CRACD: variants seen among roughly 807,000 people sequenced by gnomAD.
CRACD encodes the protein capping protein-inhibiting regulator of actin dynamics.
Under a neutral mutation model 106.8 loss-of-function variants are expected in CRACD, and 56 were observed. The observed-to-expected ratio is 0.52, with a 90% CI of 0.42 to 0.66. The LOEUF is 0.66. CRACD is among the 30% of genes least tolerant of loss of function. The pLI is 0.00. For missense variants in CRACD, 1,730 were observed against 1,623.2 expected, an observed-to-expected ratio of 1.07 and a Z score of -1.13; for synonymous variants, 754 against 670.8, an observed-to-expected ratio of 1.12 and a Z score of -1.92.
intron 2 of CRACD, among the ~76,000 whole-genome samples, chr4:56,269,832 A>T (rs1742245037): frequency 6.6e-6 from 1 of 152,136 alleles, no homozygotes; most frequent in South Asian, 2.1e-4. Flanking sequence ...CCCATGATCC[A>T]GTCACCTCCC....
intron 2 of CRACD, among the ~76,000 whole-genome samples, chr4:56,232,890 A>C (rs556201278): frequency 6.6e-6 from 1 of 151,738 alleles, no homozygotes; most frequent in Non-Finnish European, 1.5e-5. Context: ...AGGCCCAGCT[A>C]ATTTTTTTTT....
At chr4:56,240,958 C>T (rs1740333962) in intron 2 of CRACD, among the ~76,000 whole-genome samples, 1 of 152,176 alleles carries the variant, frequency 6.6e-6, no homozygotes, top group East Asian at 1.9e-4. Flanking sequence ...AGATGCCCTG[C>T]CACGCTGTCA....
At chr4:56,165,513 T>C in intron 1 of CRACD, among the ~76,000 whole-genome samples, 1 of 152,200 alleles carries the variant, frequency 6.6e-6, no homozygotes, top group Non-Finnish European at 1.5e-5. Flanking sequence ...ACACAGTTAG[T>C]ATGCAGCAGA....
chr4:56,323,013 C>A (rs542974042), intron 8 of CRACD, among the ~76,000 whole-genome samples: 1 of 152,164 alleles, frequency 6.6e-6, no homozygotes, highest in South Asian at 2.1e-4. Flanking sequence ...GGTGACAGTT[C>A]AAAACTCTGT....
intron 5 of CRACD, 71 bp from the exon 6 acceptor site, chr4:56,310,591 CACAG>C: frequency 1.9e-6 from 2 of 1,063,564 alleles, no homozygotes; most frequent in Non-Finnish European, 2.9e-6. Flanking sequence ...CCTACCCAGG[CACAG>C]ACAGTGTCTG....
At chr4:56,282,631 A>G (rs527338214) in intron 3 of CRACD, among the ~76,000 whole-genome samples, 1 of 152,174 alleles carries the variant, frequency 6.6e-6, no homozygotes, top group Admixed American at 6.5e-5. Context: ...CCAGGATCCA[A>G]TCTGAGTCCC....
intron 5 of CRACD, chr4:56,309,072 T>C (rs1744954259): frequency 4.3e-6 from 2 of 460,544 alleles, no homozygotes; most frequent in African/African-American, 4.0e-5. Context: ...TCAAGAAAAA[T>C]GCTGGCTGCA....
intron 2 of CRACD, among the ~76,000 whole-genome samples, chr4:56,192,164 G>A (rs1161016646): frequency 6.6e-6 from 1 of 152,132 alleles, no homozygotes; most frequent in Non-Finnish European, 1.5e-5. Context: ...GGCCGAGGCG[G>A]GAGGATCACC....
chr4:56,184,597 T>C lies in CRACD; in HGVS notation c.-189+5167T>C, dbSNP rs574290328. Among the ~76,000 whole-genome samples the C allele has an allele frequency of 2.0e-5, 3 of 152,194 alleles. No individual in the cohort carries two copies. In the South Asian group the frequency reaches 6.2e-4, roughly 32 times the overall value. On this transcript the variant is annotated intron_variant, in intron 2 of 10. Coordinates refer to ENST00000682029, the MANE Select transcript of CRACD (RefSeq NM_001393381.1). ...CTGGCACTTCGTAGCTGCAGATAAA[T>C]AGTTGCTGCTCTTGCTACTCCTGCA...
At chr4:56,273,313 C>CTTCT (rs1742474392) in intron 3 of CRACD, among the ~76,000 whole-genome samples, 1 of 150,388 alleles carries the variant, frequency 6.6e-6, no homozygotes, top group African/African-American at 2.4e-5. Flanking sequence ...TCCTTTCTTC[C>CTTCT]TTCCTTCCTT....
At chr4:56,223,181 AACCAC>A (rs1202403228) in intron 2 of CRACD, among the ~76,000 whole-genome samples, 2 of 151,526 alleles carry the variant, frequency 1.3e-5, no homozygotes, top group Non-Finnish European at 2.9e-5. Context: ...TCTCTTTTTA[AACCAC>A]AGGTTCATCT....
intron 1 of CRACD, among the ~76,000 whole-genome samples, chr4:56,065,986 G>C (rs1732454003): frequency 6.6e-6 from 1 of 152,118 alleles, no homozygotes; most frequent in Non-Finnish European, 1.5e-5. Context: ...CATCTTTTCA[G>C]GGTTTATTCA....
intron 2 of CRACD, among the ~76,000 whole-genome samples, chr4:56,185,255 C>G (rs1484342858): frequency 1.3e-5 from 2 of 152,178 alleles, no homozygotes; most frequent in African/African-American, 4.8e-5. Flanking sequence ...GCGCACCCGG[C>G]CTTCAGTGGC....
intron 1 of CRACD, among the ~76,000 whole-genome samples, chr4:56,070,838 G>C (rs1732620903): frequency 1.6e-5 from 1 of 63,716 alleles, no homozygotes; most frequent in Non-Finnish European, 3.8e-5. Context: ...AGGAATGCCA[G>C]GGGCTATGCT....
Position 56,183,027 on chromosome 4 carries a change from G to A in CRACD, c.-189+3597G>A, listed in dbSNP as rs965160275. The stretch of plus-strand genomic sequence containing the variant: ...GAGGGTGGATCACCTGAGGTTGGGA[G>A]TTTGAGACCAGCCTGATGAACATGG... On this transcript the variant is annotated intron_variant, in intron 2 of 10. Coordinates refer to ENST00000682029, the MANE Select transcript of CRACD (RefSeq NM_001393381.1). Among the ~76,000 whole-genome samples the A allele has an allele frequency of 4.6e-5, 7 of 151,738 alleles. No individual in the cohort carries two copies. The South Asian group carries it at 6.2e-4, about 13-fold the overall frequency.
intron 5 of CRACD, chr4:56,308,935 G>T: frequency 7.8e-7 from 1 of 1,286,762 alleles, no homozygotes; most frequent in South Asian, 1.2e-5. Context: ...CTCTGTCTCA[G>T]ATATGGGTAT....
chr4:56,260,863 GTCTA>G lies in CRACD; in HGVS notation c.-188-11454_-188-11451del, dbSNP rs1436722795. Among the ~76,000 whole-genome samples, 12 of 151,514 alleles carry G rather than the reference GTCTA, an allele frequency of 7.9e-5. No homozygotes were observed. The East Asian group carries it at 1.5e-3, about 20-fold the overall frequency. Reference sequence around the variant, plus strand: ...ATATCATCTGTCTGTCTGTCTTTCTGTCTATCTGTCTGTCTGTGTATCCATCCAT... The same window carrying G: ...ATATCATCTGTCTGTCTGTCTTTCTGTCTGTCTGTCTGTGTATCCATCCAT... On this transcript the variant is annotated intron_variant, in intron 2 of 10. Coordinates refer to ENST00000682029, the MANE Select transcript of CRACD (RefSeq NM_001393381.1).
intron 3 of CRACD, among the ~76,000 whole-genome samples, chr4:56,281,738 A>T (rs1258069516): frequency 6.6e-6 from 1 of 152,180 alleles, no homozygotes; most frequent in African/African-American, 2.4e-5. Context: ...CACATGGGGA[A>T]ACGTAGGAGT....
At position 56,188,659 on chromosome 4, in the gene CRACD, TTCTCTC is replaced by T. The variant is rs60141459; in HGVS notation, c.-189+9252_-189+9257del. ...TCTCTCTCTCTCTCTATCTCTCTAT[TTCTCTC>T]TCTCTCTCTCTCTCTCTCTCTCACA... is the stretch of plus-strand genomic sequence containing the variant. On this transcript the variant is annotated intron_variant, in intron 2 of 10. Transcript: ENST00000682029. 7.8e-3 allele frequency among the ~76,000 whole-genome samples: 651 copies of T among 83,806 alleles called. 11 individuals are homozygous for T. The highest frequency in any genetic ancestry group is 0.041 in the East Asian group (85 of 2,064). 55.0% of individuals were successfully genotyped at this position (83,806 alleles called of 152,430 possible).
Sources: gnomAD v4.1 joint callset for allele counts (sites outside exome capture counted in the v4.1 genomes callset) on GRCh38, gnomAD v4.1.1 for gene constraint, MANE v1.5 for transcripts, NCBI Gene and HGNC (gene_info 2026-07-23, HGNC 2026-07-21) for gene names.